Variants in DCAF8L2 observed in about 807,000 individuals in gnomAD.
DCAF8L2 encodes DDB1 and CUL4 associated factor 8 like 2, also known as DDB1- and CUL4-associated factor 8-like protein 2.
For missense variants in DCAF8L2, 430 were observed against 490.7 expected (o/e 0.88, Z 1.17); for synonymous variants, 200 against 190.9 (o/e 1.05, Z -0.39).
intron 2 of DCAF8L2, among the ~76,000 whole-genome samples, chrX:27,641,357 G>A (rs1227422902): frequency 1.8e-5 from 2 of 110,471 alleles, no homozygotes; most frequent in African/African-American, 6.6e-5. Flanking sequence ...AAGTCTGATA[G>A]CTATTTTTTT....
intron 2 of DCAF8L2, among the ~76,000 whole-genome samples, chrX:27,669,694 A>G (rs766977037): frequency 2.8e-5 from 3 of 108,196 alleles, no homozygotes; most frequent in Non-Finnish European, 5.7e-5. Flanking sequence ...TCATTGTTCA[A>G]TCCCCACCTA....
the DCAF8L2 span, among the ~76,000 whole-genome samples, chrX:27,569,404 A>G: frequency 8.9e-6 from 1 of 111,999 alleles, no homozygotes; most frequent in African/African-American, 3.2e-5. Flanking sequence ...AACAGGATGT[A>G]TTTCTATTTT....
intron 1 of DCAF8L2, among the ~76,000 whole-genome samples, chrX:27,621,384 T>C (rs28377402): frequency 0.079 from 8,837 of 111,288 alleles, 693 homozygotes; most frequent in African/African-American, 0.24. Flanking sequence ...TAACAAATTT[T>C]ATATTATGTG....
Position 27,671,717 on chromosome X carries a change from T to C in DCAF8L2, c.-219-6119T>C, listed in dbSNP as rs1929959611. Among the ~76,000 whole-genome samples, 3 of 112,116 alleles carry C rather than the reference T, an allele frequency of 2.7e-5. No individual in the cohort carries two copies. In the South Asian group the frequency reaches 1.1e-3, roughly 41 times the overall value. ...ATATTTTCGAGATCTTGAAAAGCCA[T>C]ACCTGGTCTTCACAGCTTCTCGGAC... On this transcript the variant is annotated intron_variant, in intron 2 of 4. Transcript: ENST00000451261.
chrX:27,511,806 G>T, the DCAF8L2 span, among the ~76,000 whole-genome samples: 23 of 112,029 alleles, frequency 2.1e-4, no homozygotes, highest in African/African-American at 6.8e-4. Flanking sequence ...AAAACTATTT[G>T]CCAACTGTGA....
chrX:27,583,781 C>A, the DCAF8L2 span, among the ~76,000 whole-genome samples: 2 of 111,869 alleles, frequency 1.8e-5, no homozygotes, highest in African/African-American at 3.3e-5. Context: ...AATCCCCCAA[C>A]CACCTTGCTC....
At chrX:27,726,921 A>G (rs940688887) in intron 4 of DCAF8L2, among the ~76,000 whole-genome samples, 15 of 111,796 alleles carry the variant, frequency 1.3e-4, no homozygotes, top group Admixed American at 1.1e-3. Context: ...TCTGTTGGGT[A>G]TATACTGAAT....
At chrX:27,481,095 T>C in the DCAF8L2 span, among the ~76,000 whole-genome samples, 1 of 111,233 alleles carries the variant, frequency 9.0e-6, no homozygotes, top group African/African-American at 3.3e-5. Context: ...ATTTTGGTAT[T>C]GGCCGGGTGC....
intron 3 of DCAF8L2, among the ~76,000 whole-genome samples, chrX:27,682,214 C>T (rs1023285093): frequency 2.7e-5 from 3 of 111,831 alleles, no homozygotes; most frequent in African/African-American, 9.8e-5. Context: ...ATCCTCCTGC[C>T]TCGTCCTCCC....
intron 1 of DCAF8L2, among the ~76,000 whole-genome samples, chrX:27,620,528 C>T (rs1289971428): frequency 9.0e-6 from 1 of 111,325 alleles, no homozygotes; most frequent in African/African-American, 3.3e-5. Context: ...AATATTTCTC[C>T]AAAGAAAATA....
the DCAF8L2 span, among the ~76,000 whole-genome samples, chrX:27,525,493 C>G: frequency 0.011 from 1,225 of 111,679 alleles, 10 homozygotes; most frequent in African/African-American, 0.038. Flanking sequence ...ATTTGCCAGT[C>G]TGTGTCTTTT....
chrX:27,517,533 A>G, the DCAF8L2 span, among the ~76,000 whole-genome samples: 7 of 111,144 alleles, frequency 6.3e-5, no homozygotes, highest in Admixed American at 3.8e-4. Flanking sequence ...TGTGAAAGGA[A>G]GCAATGGAAC....
chrX:27,652,366 A>C (rs1457551457), intron 2 of DCAF8L2, among the ~76,000 whole-genome samples: 1 of 111,714 alleles, frequency 9.0e-6, no homozygotes, highest in Non-Finnish European at 1.9e-5. Flanking sequence ...CTCAGCTTAC[A>C]AGAAAGATTG....
chrX:27,712,698 C>G (rs1931569248), intron 3 of DCAF8L2: 1 of 111,374 alleles, frequency 9.0e-6, no homozygotes, highest in Admixed American at 9.6e-5. Context: ...GTCACTTGGT[C>G]CCTTCTAAAA....
chrX:27,670,941 T>C lies in DCAF8L2; in HGVS notation c.-219-6895T>C, dbSNP rs73530675. On this transcript the variant is annotated intron_variant, in intron 2 of 4. Coordinates refer to ENST00000451261, the MANE Select transcript of DCAF8L2 (RefSeq NM_001353450.2). ...GCTTCTTGTATAGTCTGCAGAACTG[T>C]GAGCCAAGTAAATCTCTTTTCTTTA... Among the ~76,000 whole-genome samples the C allele has an allele frequency of 9.0e-3, 1,010 of 112,063 alleles. 4 individuals are homozygous for C. The highest frequency in any genetic ancestry group is 0.03 in the African/African-American group (914 of 30,833).
At chrX:27,519,786 AT>A in the DCAF8L2 span, 21 of 508,123 alleles carry the variant, frequency 4.1e-5, no homozygotes, top group Admixed American at 7.6e-5. Flanking sequence ...TTTTAATCTG[AT>A]TTTTTTAAAG....
the DCAF8L2 span, among the ~76,000 whole-genome samples, chrX:27,524,786 T>C: frequency 8.9e-6 from 1 of 111,977 alleles, no homozygotes; most frequent in South Asian, 3.7e-4. Context: ...TTTCGTTATG[T>C]ACCCAGTAGT....
chrX:27,528,472 ATG>A, the DCAF8L2 span, among the ~76,000 whole-genome samples: 2,523 of 55,560 alleles, frequency 0.045, 34 homozygotes, highest in South Asian at 0.079. Flanking sequence ...GGTTATGTGT[ATG>A]TGTATATATA....
the DCAF8L2 span, among the ~76,000 whole-genome samples, chrX:27,512,315 T>A: frequency 1.5e-3 from 167 of 110,248 alleles, 1 homozygote; most frequent in African/African-American, 5.3e-3. Flanking sequence ...TAAAAAGATA[T>A]CCCGTGTTCA....
Sources: gnomAD v4.1 joint callset for allele counts (sites outside exome capture counted in the v4.1 genomes callset) on GRCh38, gnomAD v4.1.1 for gene constraint, MANE v1.5 for transcripts, NCBI Gene and HGNC (gene_info 2026-07-23, HGNC 2026-07-21) for gene names.